ERBB4: variants seen among roughly 807,000 people sequenced by gnomAD.
The protein encoded by ERBB4 is erb-b2 receptor tyrosine kinase 4.
A neutral mutation model predicts 158.0 loss-of-function variants in ERBB4; 42 were observed. That is an observed-to-expected ratio of 0.27 (90% confidence interval 0.21 to 0.34). The LOEUF (loss-of-function observed/expected upper bound fraction) is 0.34, where lower values mean the gene tolerates loss of function less well. Among genes scored for constraint, ERBB4 ranks in the 10% least tolerant of loss-of-function variants. The probability of loss-of-function intolerance (pLI) is 1.00; values close to 1 mark genes in which losing one functional copy is unlikely to be tolerated. For synonymous variants in ERBB4, 583 were observed against 558.7 expected (o/e 1.04, Z -0.61); for missense variants, 1,333 against 1,624.1 (o/e 0.82, Z 3.08).
intron 1 of ERBB4, among the ~76,000 whole-genome samples, chr2:212,130,559 A>G (rs528264317): frequency 2.6e-5 from 4 of 152,230 alleles, no homozygotes; most frequent in Non-Finnish European, 5.9e-5. Flanking sequence ...TAAAACTAAA[A>G]ATTAATTATC....
At chr2:211,624,122 T>A in intron 17 of ERBB4, 78 bp from the exon 18 acceptor site, 1 of 1,543,060 alleles carries the variant, frequency 6.5e-7, no homozygotes, top group Non-Finnish European at 8.8e-7. Flanking sequence ...TCTCTCTCTC[T>A]CTTTGGTTCT....
At chr2:211,668,561 A>G (rs1467399463) in intron 14 of ERBB4, among the ~76,000 whole-genome samples, 1 of 152,132 alleles carries the variant, frequency 6.6e-6, no homozygotes, top group Admixed American at 6.5e-5. Context: ...AGACAACTAA[A>G]GGATAGGCTG....
intron 2 of ERBB4, among the ~76,000 whole-genome samples, chr2:212,064,137 G>C (rs2077868479): frequency 6.6e-6 from 1 of 152,104 alleles, no homozygotes; most frequent in South Asian, 2.1e-4. Context: ...TCCCCAGAAG[G>C]AAAGGAGATT....
intron 19 of ERBB4, among the ~76,000 whole-genome samples, chr2:211,581,342 A>G (rs1331139492): frequency 6.6e-6 from 1 of 152,154 alleles, no homozygotes; most frequent in Non-Finnish European, 1.5e-5. Context: ...TAATTCCCCA[A>G]AAGTAAAGTA....
chr2:211,628,429 T>TGC (rs2069951209), intron 17 of ERBB4, among the ~76,000 whole-genome samples: 1 of 152,200 alleles, frequency 6.6e-6, no homozygotes, highest in African/African-American at 2.4e-5. Flanking sequence ...TTTGGTTTTA[T>TGC]TGTCCTTGCG....
At chr2:212,229,830 G>A (rs1420259672) in intron 1 of ERBB4, among the ~76,000 whole-genome samples, 1 of 152,150 alleles carries the variant, frequency 6.6e-6, no homozygotes, top group Non-Finnish European at 1.5e-5. Context: ...AATGGAAAAC[G>A]AGTCCCATTT....
intron 2 of ERBB4, among the ~76,000 whole-genome samples, chr2:212,053,338 A>C (rs552946037): frequency 1.6e-4 from 24 of 152,314 alleles, no homozygotes; most frequent in South Asian, 4.1e-4. Context: ...TTACCCCTGG[A>C]CTGGGCCAAT....
chr2:212,522,768 T>C (rs1328721472), intron 1 of ERBB4, among the ~76,000 whole-genome samples: 1 of 152,010 alleles, frequency 6.6e-6, no homozygotes, highest in Non-Finnish European at 1.5e-5. Context: ...TGTTGAGAAA[T>C]AGCTGTGTGA....
At chr2:211,414,500 TAAAAAAAAAAAAAAAA>T (rs71047174) in intron 25 of ERBB4, among the ~76,000 whole-genome samples, 2 of 102,128 alleles carry the variant, frequency 2.0e-5, no homozygotes, top group Non-Finnish European at 4.1e-5. Context: ...CAGTCTCAAT[TAAAAAAAAAAAAAAAA>T]AAAAAAAGAA....
chr2:211,580,814 TATA>T (rs1180654235), intron 19 of ERBB4, among the ~76,000 whole-genome samples: 3 of 51,078 alleles, frequency 5.9e-5, no homozygotes, highest in African/African-American at 2.1e-4. Context: ...ATATATATAA[TATA>T]TATATATTAT....
intron 20 of ERBB4, among the ~76,000 whole-genome samples, chr2:211,455,759 T>G (rs1465377999): frequency 6.6e-6 from 1 of 152,212 alleles, no homozygotes; most frequent in Non-Finnish European, 1.5e-5. Flanking sequence ...CTTAAGTACT[T>G]CTACATCCAT....
chr2:212,312,523 G>A (rs920018094), intron 1 of ERBB4, among the ~76,000 whole-genome samples: 1 of 150,738 alleles, frequency 6.6e-6, no homozygotes, highest in African/African-American at 2.4e-5. Flanking sequence ...TTGTTGGCAA[G>A]TACTCTTTCC....
At chr2:212,083,547 G>T (rs1427276973) in intron 2 of ERBB4, among the ~76,000 whole-genome samples, 1 of 151,724 alleles carries the variant, frequency 6.6e-6, no homozygotes, top group South Asian at 2.1e-4. Flanking sequence ...GAGAATGTGG[G>T]CTGGAACATA....
chr2:212,498,246 A>T (rs1028949435), intron 1 of ERBB4, among the ~76,000 whole-genome samples: 3 of 152,052 alleles, frequency 2.0e-5, no homozygotes, highest in Admixed American at 1.3e-4. Flanking sequence ...AGTCTTTCAA[A>T]TGGAAGTATC....
At chr2:211,571,041 C>CTTTTTTTTTTTTTTTTTTTTTTTT (rs549254649) in intron 19 of ERBB4, among the ~76,000 whole-genome samples, 2 of 109,078 alleles carry the variant, frequency 1.8e-5, no homozygotes, top group African/African-American at 7.1e-5. Context: ...TACTCTTCTT[C>CTTTTTTTTTTTTTTTTTTTTTTTT]TTTTTTTTTT....
chr2:212,272,549 C>A (rs1391551922), intron 1 of ERBB4, among the ~76,000 whole-genome samples: 2 of 151,714 alleles, frequency 1.3e-5, no homozygotes, highest in Non-Finnish European at 2.9e-5. Context: ...GAAGTAGCCC[C>A]AGGCTAGAGG....
chr2:211,584,838 TTTG>T (rs1209250469), intron 19 of ERBB4, among the ~76,000 whole-genome samples: 4 of 151,942 alleles, frequency 2.6e-5, no homozygotes, highest in Non-Finnish European at 5.9e-5. Flanking sequence ...ATCCAGTTAT[TTTG>T]TTTTCTTCCT....
chr2:211,899,453 A>T (rs754301925), intron 3 of ERBB4, among the ~76,000 whole-genome samples: 4 of 152,160 alleles, frequency 2.6e-5, no homozygotes, highest in Non-Finnish European at 5.9e-5. Context: ...TTCTAATAAA[A>T]GTTGAATTGA....
At chr2:211,971,689 A>T (rs2081457484) in intron 2 of ERBB4, among the ~76,000 whole-genome samples, 1 of 152,220 alleles carries the variant, frequency 6.6e-6, no homozygotes, top group Non-Finnish European at 1.5e-5. Flanking sequence ...AACATCAAAA[A>T]GCTTATCCAT....
Sources: allele counts gnomAD v4.1 joint callset (sites outside exome capture counted in the v4.1 genomes callset), GRCh38; gene constraint gnomAD v4.1.1; transcripts MANE v1.5; gene names NCBI Gene and HGNC (gene_info 2026-07-23, HGNC 2026-07-21).